Variants in FBXO42 observed in about 807,000 individuals in gnomAD.
FBXO42 encodes the protein F-box protein 42.
FBXO42 carries 12 observed loss-of-function variants against 71.7 expected under a neutral mutation model. The ratio of observed to expected loss-of-function variants is 0.17; its 90% CI spans 0.11 to 0.27. FBXO42 has a LOEUF of 0.27. Ranked by LOEUF, FBXO42 falls within the 10% of genes least tolerant of loss-of-function variation. The pLI is 1.00. For synonymous variants in FBXO42, 325 were observed against 327.5 expected (o/e 0.99, Z 0.08); for missense variants, 707 against 911.9 (o/e 0.78, Z 2.89).
At chr1:16,338,354 CAAAAAAAAAAAAAA>C (rs55865669) in intron 1 of FBXO42, among the ~76,000 whole-genome samples, 1 of 108,154 alleles carries the variant, frequency 9.2e-6, no homozygotes, top group Admixed American at 1.1e-4. Flanking sequence ...GCCCTATCTC[CAAAAAAAAAAAAAA>C]AAAAAAAAGA....
chr1:16,257,776 G>A (rs1425497218), intron 4 of FBXO42, among the ~76,000 whole-genome samples: 1 of 152,048 alleles, frequency 6.6e-6, no homozygotes, highest in African/African-American at 2.4e-5. Flanking sequence ...CACCTCCTGG[G>A]TTCAAGTGAT....
At chr1:16,339,341 T>C (rs1230030019) in intron 1 of FBXO42, among the ~76,000 whole-genome samples, 1 of 152,112 alleles carries the variant, frequency 6.6e-6, no homozygotes, top group Non-Finnish European at 1.5e-5. Context: ...TGAGATGAAG[T>C]CTCACTGTGT....
intron 1 of FBXO42, among the ~76,000 whole-genome samples, chr1:16,334,051 G>T (rs1327712173): frequency 6.6e-6 from 1 of 152,148 alleles, no homozygotes; most frequent in Non-Finnish European, 1.5e-5. Flanking sequence ...TGACTGTGCA[G>T]AATACAAATA....
chr1:16,253,469 T>C, intron 7 of FBXO42, 166 bp downstream of exon 7: 1 of 636,276 alleles, frequency 1.6e-6, no homozygotes, highest in Non-Finnish European at 2.7e-6. Context: ...CCACTATAAA[T>C]AATATGACCC....
chr1:16,304,399 G>A (rs1390592748), intron 3 of FBXO42, among the ~76,000 whole-genome samples: 1 of 152,046 alleles, frequency 6.6e-6, no homozygotes, highest in Non-Finnish European at 1.5e-5. Context: ...GATTACAAGC[G>A]TGAGCCACTG....
Position 16,326,584 on chromosome 1 carries a change from C to T in FBXO42, c.-17-11149G>A, listed in dbSNP as rs552520483. Among the ~76,000 whole-genome samples, 16 of 149,274 alleles carry T rather than the reference C, an allele frequency of 1.1e-4. No homozygotes were observed. The Admixed American group carries it at 1.1e-3, about 10-fold the overall frequency. The stretch of plus-strand genomic sequence containing the variant: ...TTGTAGTCTCAGCTACTCAGGAGGC[C>T]GAAGTGGGAGGATCACTTGAGCCCA... On this transcript the variant is annotated intron_variant, in intron 1 of 9. Coordinates refer to ENST00000375592, the MANE Select transcript of FBXO42 (RefSeq NM_018994.3).
At chr1:16,320,360 C>CAAAAAAAA (rs35441053) in intron 1 of FBXO42, among the ~76,000 whole-genome samples, 1 of 113,486 alleles carries the variant, frequency 8.8e-6, no homozygotes, top group Non-Finnish European at 1.7e-5. Flanking sequence ...AACTCCATGT[C>CAAAAAAAA]AAAAAAAAAA....
In FBXO42 at chr1:16,252,997, T is replaced by TG; in HGVS notation, c.921+98dup. On this transcript the variant is annotated intron_variant, in intron 8 of 9. Coordinates refer to ENST00000375592, the MANE Select transcript of FBXO42 (RefSeq NM_018994.3). This position sits in a 1 kb window ranked among gnomAD's most constrained non-coding sequence, Gnocchi z 4.4. ...AAGCATTCCTTAAATTAAAATGCCA[T>TG]GGAAATAGTCTTGTATACTCCTAGA... 1 of 1,008,624 alleles carries TG rather than the reference T, an allele frequency of 9.9e-7. No individual in the cohort carries two copies. Among genetic ancestry groups the TG allele is most frequent in the Non-Finnish European group, 1.4e-6 (1 of 690,752 alleles). 62.5% of individuals were successfully genotyped at this position (1,008,624 alleles called of 1,614,324 possible).
chr1:16,262,876 GT>G (rs1228332235), intron 4 of FBXO42, among the ~76,000 whole-genome samples: 4 of 151,878 alleles, frequency 2.6e-5, no homozygotes, highest in Non-Finnish European at 5.9e-5. Context: ...CGGCAGGCTA[GT>G]TTTTTGTAAT....
chr1:16,347,833 C>CA (rs1398183051), intron 1 of FBXO42, among the ~76,000 whole-genome samples: 3 of 151,744 alleles, frequency 2.0e-5, no homozygotes, highest in Non-Finnish European at 4.4e-5. Context: ...ACTAAAAATA[C>CA]AAAAAATTAG....
intron 4 of FBXO42, among the ~76,000 whole-genome samples, chr1:16,270,115 C>G (rs1320241482): frequency 6.6e-6 from 1 of 152,160 alleles, no homozygotes; most frequent in African/African-American, 2.4e-5. Flanking sequence ...CAAGGCCTCC[C>G]AAGGTGCTGG....
intron 4 of FBXO42, among the ~76,000 whole-genome samples, chr1:16,285,173 C>G (rs1034349896): frequency 5.3e-5 from 8 of 151,832 alleles, no homozygotes; most frequent in African/African-American, 1.7e-4. Context: ...AAAAACACAA[C>G]GAACATCTCA....
At chr1:16,310,808 T>G (rs1332403146) in intron 2 of FBXO42, among the ~76,000 whole-genome samples, 2 of 151,638 alleles carry the variant, frequency 1.3e-5, no homozygotes. Flanking sequence ...GTGGATCACT[T>G]GACATCAGGA....
chr1:16,329,162 C>CAAAAAAA (rs1221377687), intron 1 of FBXO42, among the ~76,000 whole-genome samples: 4 of 60,426 alleles, frequency 6.6e-5, no homozygotes, highest in African/African-American at 1.8e-4. Context: ...GACTCTGTCT[C>CAAAAAAA]AAAAAAAAAA....
intron 4 of FBXO42, among the ~76,000 whole-genome samples, chr1:16,272,187 A>G (rs1420889788): frequency 6.7e-6 from 1 of 149,816 alleles, no homozygotes; most frequent in Non-Finnish European, 1.5e-5. Flanking sequence ...TCCTCTGTAG[A>G]CTGAAATGAT....
At chr1:16,344,488 T>A (rs2082637129) in intron 1 of FBXO42, among the ~76,000 whole-genome samples, 1 of 3,410 alleles carries the variant, frequency 2.9e-4, no homozygotes, top group African/African-American at 3.3e-4. Context: ...CCAGCTAACT[T>A]TTTTTTTTTT....
intron 1 of FBXO42, among the ~76,000 whole-genome samples, chr1:16,329,310 G>T (rs1233102094): frequency 6.6e-6 from 1 of 152,058 alleles, no homozygotes; most frequent in Non-Finnish European, 1.5e-5. Flanking sequence ...CAGGCCAGGT[G>T]CTGTGGTTCA....
At chr1:16,281,759 C>T (rs1365619739) in intron 4 of FBXO42, among the ~76,000 whole-genome samples, 2 of 151,318 alleles carry the variant, frequency 1.3e-5, no homozygotes, top group Non-Finnish European at 1.5e-5. Flanking sequence ...CGGGTTCAAG[C>T]GATTCTCCTG....
intron 1 of FBXO42, among the ~76,000 whole-genome samples, chr1:16,340,319 T>C (rs1180344169): frequency 6.6e-6 from 1 of 150,796 alleles, no homozygotes; most frequent in Non-Finnish European, 1.5e-5. Flanking sequence ...AAACCTTTGG[T>C]AGTACTTTTT....
Sources: allele counts gnomAD v4.1 joint callset (sites outside exome capture counted in the v4.1 genomes callset), GRCh38; gene constraint gnomAD v4.1.1; non-coding constraint Gnocchi (gnomAD v3.1); transcripts MANE v1.5; gene names NCBI Gene and HGNC (gene_info 2026-07-23, HGNC 2026-07-21).